Variants in ATP13A4 observed in about 807,000 individuals in gnomAD.
ATP13A4 encodes ATPase 13A4, also known as probable cation-transporting ATPase 13A4.
A neutral mutation model predicts 142.5 loss-of-function variants in ATP13A4; 114 were observed. That is an observed-to-expected ratio of 0.80 (90% confidence interval 0.69 to 0.93). The LOEUF is 0.93. ATP13A4 is among the 40% of genes least tolerant of loss of function. The pLI is 0.00. For synonymous variants in ATP13A4, 488 were observed against 514.8 expected, an observed-to-expected ratio of 0.95 and a Z score of 0.70; for missense variants, 1,392 against 1,454.0, an observed-to-expected ratio of 0.96 and a Z score of 0.69.
intron 28 of ATP13A4, among the ~76,000 whole-genome samples, chr3:193,409,560 A>G (rs990770634): frequency 4.6e-5 from 7 of 152,230 alleles, no homozygotes; most frequent in Non-Finnish European, 8.8e-5. Flanking sequence ...TAACTTCTGT[A>G]GGATTAAGAA....
chr3:193,402,996 A>G (rs1714325562), intron 29 of ATP13A4, 132 bp from the exon 30 acceptor site: 1 of 828,006 alleles, frequency 1.2e-6, no homozygotes, highest in Admixed American at 2.0e-5. Flanking sequence ...TGACCACTGG[A>G]CCAATCTAAG....
chr3:193,546,281 G>T (rs897415288), intron 1 of ATP13A4, among the ~76,000 whole-genome samples: 8 of 152,056 alleles, frequency 5.3e-5, no homozygotes, highest in Non-Finnish European at 1.5e-5. Flanking sequence ...TGAGAAACCA[G>T]GTCCCTCATT....
intron 25 of ATP13A4, among the ~76,000 whole-genome samples, 181 bp from the exon 26 acceptor site, chr3:193,414,931 A>G (rs1714977850): frequency 6.6e-6 from 1 of 152,198 alleles, no homozygotes; most frequent in Non-Finnish European, 1.5e-5. Flanking sequence ...AATTCTTAAA[A>G]GAGCAGACAA....
chr3:193,549,081 C>T (rs1249003160), intron 1 of ATP13A4, among the ~76,000 whole-genome samples: 2 of 152,066 alleles, frequency 1.3e-5, no homozygotes, highest in Non-Finnish European at 2.9e-5. Context: ...TTTTCAATGT[C>T]AGCATGAATG....
At chr3:193,451,356 C>T (rs1043943237) in intron 17 of ATP13A4, among the ~76,000 whole-genome samples, 2 of 152,234 alleles carry the variant, frequency 1.3e-5, no homozygotes, top group Admixed American at 1.3e-4. Context: ...TTTCTAGTTC[C>T]TCTGGCTTAT....
At chr3:193,510,067 T>C (rs1721060900) in intron 2 of ATP13A4, among the ~76,000 whole-genome samples, 1 of 152,076 alleles carries the variant, frequency 6.6e-6, no homozygotes. Context: ...CACAAAACAG[T>C]GTCTTGTTCC....
intron 1 of ATP13A4, among the ~76,000 whole-genome samples, chr3:193,585,770 T>G (rs1044366252): frequency 1.3e-5 from 2 of 152,312 alleles, no homozygotes; most frequent in South Asian, 4.1e-4. Flanking sequence ...CAGTTTTCAA[T>G]TACCGTGAAA....
chr3:193,511,607 G>C (rs1721144258), intron 2 of ATP13A4, among the ~76,000 whole-genome samples: 1 of 152,194 alleles, frequency 6.6e-6, no homozygotes, highest in Non-Finnish European at 1.5e-5. Flanking sequence ...CAATCAAAGT[G>C]GTGTTTGACA....
At chr3:193,581,775 G>A (rs771788053) in exon 2 of ATP13A4, 4 of 152,068 alleles carry the variant, frequency 2.6e-5, no homozygotes, top group Non-Finnish European at 5.9e-5. Flanking sequence ...TTCTACTCCA[G>A]GCCTCCCAGC....
chr3:193,536,539 T>C (rs1722600754), intron 1 of ATP13A4, among the ~76,000 whole-genome samples: 1 of 152,146 alleles, frequency 6.6e-6, no homozygotes, highest in South Asian at 2.1e-4. Flanking sequence ...CAGTAACATA[T>C]GTAATGGTGA....
At chr3:193,513,286 G>T (rs1721233188) in intron 2 of ATP13A4, among the ~76,000 whole-genome samples, 1 of 152,170 alleles carries the variant, frequency 6.6e-6, no homozygotes, top group Admixed American at 6.5e-5. Flanking sequence ...AAGGCTGATT[G>T]CTATCCTTCT....
chr3:193,500,880 A>G (rs546101035), intron 3 of ATP13A4, among the ~76,000 whole-genome samples: 1 of 152,306 alleles, frequency 6.6e-6, no homozygotes, highest in South Asian at 2.1e-4. Flanking sequence ...GAAGTTCACA[A>G]ATGACCTTAA....
At chr3:193,509,953 G>A (rs1721055458) in intron 2 of ATP13A4, among the ~76,000 whole-genome samples, 1 of 152,160 alleles carries the variant, frequency 6.6e-6, no homozygotes, top group Non-Finnish European at 1.5e-5. Context: ...GTACATGGTT[G>A]GTGTGTGGTA....
chr3:193,454,299 G>T (rs1717451642), intron 16 of ATP13A4, 87 bp from the exon 17 acceptor site: 3 of 1,014,088 alleles, frequency 3.0e-6, no homozygotes, highest in Non-Finnish European at 4.6e-6. Flanking sequence ...TCCAACTTTT[G>T]CCCAAGAAAA....
At chr3:193,417,871 C>T (rs1715158192) in intron 25 of ATP13A4, among the ~76,000 whole-genome samples, 2 of 148,108 alleles carry the variant, frequency 1.4e-5, no homozygotes, top group Non-Finnish European at 3.0e-5. Flanking sequence ...GCCTGTAATC[C>T]CAGCACTTTG....
chr3:193,426,104 C>T (rs967594947), intron 25 of ATP13A4, among the ~76,000 whole-genome samples: 17 of 151,536 alleles, frequency 1.1e-4, no homozygotes, highest in Admixed American at 1.1e-3. Flanking sequence ...TGACAAGAGC[C>T]TACATACTGA....
intron 1 of ATP13A4, among the ~76,000 whole-genome samples, chr3:193,535,770 G>T (rs1476032263): frequency 6.6e-6 from 1 of 151,626 alleles, no homozygotes; most frequent in East Asian, 1.9e-4. Flanking sequence ...CAAACCACTG[G>T]CAAGACTGAG....
chr3:193,504,404 C>G (rs1720746311), intron 2 of ATP13A4, among the ~76,000 whole-genome samples: 2 of 152,164 alleles, frequency 1.3e-5, no homozygotes, highest in African/African-American at 4.8e-5. Flanking sequence ...CTTTCCATTT[C>G]TAATAACAGT....
At chr3:193,422,744 A>C (rs761482302) in intron 25 of ATP13A4, among the ~76,000 whole-genome samples, 3 of 149,912 alleles carry the variant, frequency 2.0e-5, no homozygotes, top group Non-Finnish European at 4.4e-5. Context: ...CTCAAAGGAA[A>C]GTTTACAGCA....
Sources: gnomAD v4.1 joint callset for allele counts (sites outside exome capture counted in the v4.1 genomes callset) on GRCh38, gnomAD v4.1.1 for gene constraint, MANE v1.5 for transcripts, NCBI Gene and HGNC (gene_info 2026-07-23, HGNC 2026-07-21) for gene names.